USP24: variants seen among roughly 807,000 people sequenced by gnomAD.
USP24 encodes ubiquitin carboxyl-terminal hydrolase 24.
A neutral mutation model predicts 361.6 loss-of-function variants in USP24; 97 were observed. The observed-to-expected ratio is 0.27, with a 90% CI of 0.23 to 0.32. USP24 has a LOEUF of 0.32. Among genes scored for constraint, USP24 ranks in the 10% least tolerant of loss-of-function variants. USP24 has a pLI of 1.00. For synonymous variants in USP24, 1,098 were observed against 1,124.6 expected, an observed-to-expected ratio of 0.98 and a Z score of 0.47; for missense variants, 2,353 against 3,165.6, an observed-to-expected ratio of 0.74 and a Z score of 6.16.
In USP24 at chr1:55,085,824, G is replaced by A. The variant is rs1200438006; in HGVS notation, c.6765+118C>T. The A allele has an allele frequency of 8.5e-6, 8 of 941,884 alleles. No homozygotes were observed. In the Admixed American group the frequency reaches 2.0e-4, roughly 23 times the overall value. 58.3% of individuals were successfully genotyped at this position (941,884 alleles called of 1,614,324 possible). A position where few individuals can be genotyped will look rare whatever the true frequency, so the allele number is the denominator to read the frequency against. On this transcript the variant is annotated intron_variant, in intron 56 of 67. Coordinates refer to ENST00000294383, the MANE Select transcript of USP24 (RefSeq NM_015306.3). ...ATGTACCAAAAATCAGTTCACAGAA[G>A]GTGTATTTATGTGGCAAAATTACCA... is the stretch of plus-strand genomic sequence containing the variant.
intron 1 of USP24, among the ~76,000 whole-genome samples, chr1:55,209,256 ACTT>A (rs556504214): frequency 3.7e-4 from 56 of 152,170 alleles, no homozygotes; most frequent in Middle Eastern, 3.4e-3. Context: ...TATCCATCCA[ACTT>A]CTTCTTTTTT....
chr1:55,199,937 T>C (rs527417353), intron 1 of USP24, among the ~76,000 whole-genome samples: 11 of 152,292 alleles, frequency 7.2e-5, no homozygotes, highest in African/African-American at 1.2e-4. Flanking sequence ...AAGTCACGTC[T>C]TACATGGACG....
At chr1:55,145,888 G>C (rs1647015995) in intron 20 of USP24, 110 bp downstream of exon 20, 1 of 723,340 alleles carries the variant, frequency 1.4e-6, no homozygotes, top group South Asian at 2.0e-5. Context: ...ATTCTAGAAG[G>C]ATATTCCTAA....
intron 5 of USP24, among the ~76,000 whole-genome samples, chr1:55,168,114 A>T (rs1454362618): frequency 1.3e-5 from 2 of 152,176 alleles, no homozygotes; most frequent in East Asian, 1.9e-4. Context: ...GCTTGGGGGC[A>T]AGCAGAAACA....
At chr1:55,196,627 C>T (rs927891307) in intron 1 of USP24, among the ~76,000 whole-genome samples, 4 of 152,190 alleles carry the variant, frequency 2.6e-5, no homozygotes, top group Non-Finnish European at 4.4e-5. Context: ...TCTCTGGACA[C>T]CAGGCACATA....
At chr1:55,104,474 A>G (rs1183629668) in intron 41 of USP24, among the ~76,000 whole-genome samples, 1 of 152,206 alleles carries the variant, frequency 6.6e-6, no homozygotes, top group Non-Finnish European at 1.5e-5. Flanking sequence ...CTATGAAAAA[A>G]ATGGAGACAA....
intron 6 of USP24, 119 bp downstream of exon 6, chr1:55,166,449 T>C: frequency 1.0e-6 from 1 of 981,122 alleles, no homozygotes; most frequent in Non-Finnish European, 1.5e-6. Flanking sequence ...AATCCACTCC[T>C]TAAAGCATTT....
intron 18 of USP24, among the ~76,000 whole-genome samples, chr1:55,147,323 C>A (rs997045499): frequency 4.6e-5 from 7 of 152,054 alleles, no homozygotes; most frequent in African/African-American, 1.7e-4. Flanking sequence ...TAAAACACTA[C>A]AAACTCACAA....
At chr1:55,183,088 T>C (rs561157715) in intron 1 of USP24, among the ~76,000 whole-genome samples, 1 of 152,300 alleles carries the variant, frequency 6.6e-6, no homozygotes, top group East Asian at 1.9e-4. Context: ...ACAAGTACAC[T>C]AGACAAATAC....
At chr1:55,124,103 T>G (rs958190854) in intron 35 of USP24, among the ~76,000 whole-genome samples, 3 of 152,194 alleles carry the variant, frequency 2.0e-5, no homozygotes, top group African/African-American at 4.8e-5. Context: ...AGAGGCCTAA[T>G]GAAAAATAAC....
intron 16 of USP24, among the ~76,000 whole-genome samples, chr1:55,149,319 AGTT>A (rs1268664569): frequency 6.6e-6 from 1 of 152,210 alleles, no homozygotes; most frequent in East Asian, 1.9e-4. Context: ...TAAGAATTTC[AGTT>A]TAAACATGAC....
intron 38 of USP24, among the ~76,000 whole-genome samples, chr1:55,120,251 C>T (rs1646241407): frequency 6.6e-6 from 1 of 152,184 alleles, no homozygotes. Flanking sequence ...TACAAGATAT[C>T]TGCACTGAAA....
chr1:55,182,047 TTC>T lies in USP24; in HGVS notation c.325-3917_325-3916del, dbSNP rs1470002115. Among the ~76,000 whole-genome samples the T allele has an allele frequency of 3.3e-5, 5 of 152,070 alleles. No individual in the cohort carries two copies. In the East Asian group the frequency reaches 9.7e-4, roughly 29 times the overall value. On this transcript the variant is annotated intron_variant, in intron 1 of 67. Transcript: ENST00000294383. ...CTCACCAGAAACCAACTCTAATGAC[TTC>T]TTTTTTATTTTTATTTTTTTTGAGA... is the stretch of plus-strand genomic sequence containing the variant.
intron 21 of USP24, among the ~76,000 whole-genome samples, chr1:55,143,655 G>A (rs565464215): frequency 6.6e-6 from 1 of 151,826 alleles, no homozygotes; most frequent in South Asian, 2.1e-4. Flanking sequence ...AAAGGAGCAT[G>A]TGTAAATATA....
At chr1:55,092,747 T>A in intron 53 of USP24, 74 bp downstream of exon 53, 1 of 1,114,128 alleles carries the variant, frequency 9.0e-7, no homozygotes, top group Non-Finnish European at 1.3e-6. Context: ...TGAGGATGAA[T>A]CACTGAATGC....
chr1:55,191,521 C>T (rs1232520699), intron 1 of USP24, among the ~76,000 whole-genome samples: 4 of 142,130 alleles, frequency 2.8e-5, no homozygotes, highest in Admixed American at 7.4e-5. Context: ...GATGGAGTCT[C>T]GCTCTGTCAC....
intron 38 of USP24, among the ~76,000 whole-genome samples, chr1:55,117,425 A>C (rs1386823634): frequency 6.6e-6 from 1 of 152,210 alleles, no homozygotes; most frequent in African/African-American, 2.4e-5. Context: ...GAAAGCCCTA[A>C]AGTTTCTGCA....
At chr1:55,123,732 G>T in intron 35 of USP24, 130 bp from the exon 36 acceptor site, 1 of 914,638 alleles carries the variant, frequency 1.1e-6, no homozygotes, top group Non-Finnish European at 1.5e-6. Flanking sequence ...GGTCCAAGAA[G>T]CAAGAGAGAT....
At chr1:55,196,046 G>A (rs1462207822) in intron 1 of USP24, among the ~76,000 whole-genome samples, 2 of 152,244 alleles carry the variant, frequency 1.3e-5, no homozygotes, top group Non-Finnish European at 2.9e-5. Flanking sequence ...CTAAGTAAAT[G>A]TCTACCTTCT....
Sources: gnomAD v4.1 joint callset for allele counts (sites outside exome capture counted in the v4.1 genomes callset) on GRCh38, gnomAD v4.1.1 for gene constraint, MANE v1.5 for transcripts, NCBI Gene and HGNC (gene_info 2026-07-23, HGNC 2026-07-21) for gene names.